Variants in CAPN13 observed in about 807,000 individuals in gnomAD.
The protein encoded by CAPN13 is calpain 13.
In CAPN13, 90 loss-of-function variants were observed where a neutral mutation model predicts 98.4. The observed-to-expected ratio is 0.92, with a 90% CI of 0.77 to 1.09. The LOEUF (loss-of-function observed/expected upper bound fraction) is 1.09. Ranked by LOEUF, CAPN13 falls within the 50% of genes least tolerant of loss-of-function variation. The pLI is 0.00. For missense variants in CAPN13, 887 were observed against 841.3 expected, an observed-to-expected ratio of 1.05 and a Z score of -0.67; for synonymous variants, 330 against 305.5, an observed-to-expected ratio of 1.08 and a Z score of -0.84.
chr2:30,743,472 G>T lies in CAPN13; in HGVS notation c.1356C>A (p.Ser452Arg), dbSNP rs1420893449. The T allele has an allele frequency of 1.2e-6, 2 of 1,613,738 alleles. No individual in the cohort carries two copies. Among genetic ancestry groups the T allele is most frequent in the East Asian group, 4.5e-5 (2 of 44,894 alleles). The change falls in exon 13 of 23, where the codon AGC (serine) becomes AGA (arginine). Residue 452 changes from serine (S) to arginine (R), a missense_variant. Ser to Arg is a moderately radical substitution (Grantham distance 110). Coordinates refer to ENST00000295055, the MANE Select transcript of CAPN13 (RefSeq NM_144575.3). The part of the protein sequence containing the change: ...RRNFTMTYHL[S>R]PGNYVVVAQT... ...GTGCAACCACAACATAGTTCCCAGG[G>T]CTCAGATGGTAAGTCATGGTGAAGT...
intron 15 of CAPN13, among the ~76,000 whole-genome samples, chr2:30,740,082 G>GTTTTTTTTTTGTTT (rs1671574352): frequency 1.6e-5 from 2 of 121,406 alleles, no homozygotes; most frequent in Non-Finnish European, 3.5e-5. Context: ...ATTGTATTAG[G>GTTTTTTTTTTGTTT]TTTTTTTTTT....
At chr2:30,787,059 G>C (rs567608514) in intron 2 of CAPN13, 69 bp downstream of exon 2, 8 of 1,276,094 alleles carry the variant, frequency 6.3e-6, no homozygotes, top group African/African-American at 4.5e-5. Context: ...CCTCCTTTTG[G>C]CTGGAGGTGC....
At chr2:30,788,379 G>A (rs913709766) in intron 1 of CAPN13, among the ~76,000 whole-genome samples, 15 of 152,186 alleles carry the variant, frequency 9.9e-5, no homozygotes, top group African/African-American at 3.6e-4. Context: ...GAAGGCTGAG[G>A]TTTCTTGTTC....
In CAPN13 at chr2:30,745,730, C is replaced by T; in HGVS notation, c.1241G>A (p.Gly414Asp). 1 of 1,596,156 alleles carries T rather than the reference C, an allele frequency of 6.3e-7. No individual in the cohort carries two copies. The highest frequency in any genetic ancestry group is 8.5e-7 in the Non-Finnish European group (1 of 1,178,730). Reference protein sequence around the residue: ...FPLDFQVILAGSQRFREKFPP... With the variant: ...FPLDFQVILADSQRFREKFPP... ...GACGACGCTGAGCCATACCTGTGAG[C>T]CAGCCTGTTGGAAACAGGGAGAAAG... Residue 414 changes from glycine (G) to aspartate (D), a missense_variant, in exon 12 of 23, where the codon GGC becomes GAC. Physicochemically the swap from Gly to Asp is moderately conservative, Grantham distance 94. Coordinates refer to ENST00000295055, the MANE Select transcript of CAPN13 (RefSeq NM_144575.3).
chr2:30,747,107 T>G (rs991943349), intron 11 of CAPN13, among the ~76,000 whole-genome samples: 5 of 152,216 alleles, frequency 3.3e-5, no homozygotes, highest in Middle Eastern at 3.2e-3. Flanking sequence ...TGCCTATGAA[T>G]GGGGAGATAC....
At chr2:30,724,055 A>G (rs72613851) in intron 22 of CAPN13, among the ~76,000 whole-genome samples, 5,930 of 152,224 alleles carry the variant, frequency 0.039, 204 homozygotes, top group East Asian at 0.14. Flanking sequence ...TTAAATGCCT[A>G]TTGACTTCTT....
chr2:30,753,297 G>A (rs1304778402), intron 9 of CAPN13, 99 bp from the exon 10 acceptor site: 4 of 1,236,514 alleles, frequency 3.2e-6, no homozygotes, highest in Non-Finnish European at 4.6e-6. Flanking sequence ...CTGCCCAGAG[G>A]CCAGTGTCTG....
At chr2:30,792,918 T>C (rs534550870) in intron 1 of CAPN13, among the ~76,000 whole-genome samples, 44 of 152,084 alleles carry the variant, frequency 2.9e-4, no homozygotes, top group African/African-American at 1.0e-3. Context: ...TTTATATTTT[T>C]AAAAATCCAC....
chr2:30,762,132 C>T (rs549232820), intron 7 of CAPN13, among the ~76,000 whole-genome samples: 11 of 152,312 alleles, frequency 7.2e-5, no homozygotes, highest in Admixed American at 2.0e-4. Flanking sequence ...TAGACGGACA[C>T]TAAAGAGACA....
Position 30,738,292 on chromosome 2 carries a change from TC to T in CAPN13, c.1595del (p.Gly532AspfsTer9). 1 of 1,613,244 alleles carries T rather than the reference TC, an allele frequency of 6.2e-7. No homozygotes were observed. The highest frequency in any genetic ancestry group is 8.5e-7 in the Non-Finnish European group (1 of 1,179,752). ...CTAAGGAGAACATGTCCCCTGGAGGTCCTGAGGAGAGAAGGACAGGAAGGAC... is the reference window on the plus strand; with the variant it reads ...CTAAGGAGAACATGTCCCCTGGAGGTCTGAGGAGAGAAGGACAGGAAGGAC... Reference protein sequence around the residue: ...QGLLNQELLTGPPGDMFSLDE... With the variant: ...QGLLNQELLTXPPGDMFSLDE... On this transcript the variant is annotated frameshift_variant and splice_region_variant, in exon 17 of 23. Coordinates refer to ENST00000295055, the MANE Select transcript of CAPN13 (RefSeq NM_144575.3). LOFTEE classifies it high-confidence loss of function.
At chr2:30,799,185 G>A (rs1319634735) in intron 1 of CAPN13, among the ~76,000 whole-genome samples, 1 of 152,044 alleles carries the variant, frequency 6.6e-6, no homozygotes, top group Non-Finnish European at 1.5e-5. Context: ...GAAGGAGGAG[G>A]AAGAGAGAGT....
At chr2:30,789,335 A>G (rs1330838137) in intron 1 of CAPN13, among the ~76,000 whole-genome samples, 2 of 152,334 alleles carry the variant, frequency 1.3e-5, no homozygotes, top group East Asian at 1.9e-4. Context: ...CCTACCTCTC[A>G]GGAAAATATT....
At chr2:30,767,580 G>C (rs1416257784) in intron 5 of CAPN13, among the ~76,000 whole-genome samples, 1 of 152,200 alleles carries the variant, frequency 6.6e-6, no homozygotes, top group Non-Finnish European at 1.5e-5. Context: ...GATAATGGCA[G>C]TGTTTTCGTA....
intron 8 of CAPN13, among the ~76,000 whole-genome samples, chr2:30,755,097 AAT>A (rs937504132): frequency 5.9e-5 from 9 of 151,826 alleles, no homozygotes; most frequent in East Asian, 5.8e-4. Context: ...ACTCTCCAGC[AAT>A]AGTGTCTTCA....
intron 1 of CAPN13, among the ~76,000 whole-genome samples, chr2:30,799,163 GA>G (rs1179041914): frequency 1.3e-5 from 2 of 152,062 alleles, no homozygotes; most frequent in African/African-American, 4.8e-5. Flanking sequence ...GGAAGACAGA[GA>G]GGGGGAAAAG....
chr2:30,794,210 GA>G lies in CAPN13; in HGVS notation c.-32-6854del, dbSNP rs559758957. On this transcript the variant is annotated intron_variant, in intron 1 of 22. Transcript: ENST00000295055. ...AAGAACTCTTACAAATCAATAATCA[GA>G]AAAAAAACCCACTAAAATGGCCAAA... Among the ~76,000 whole-genome samples, 183 of 150,876 alleles carry G rather than the reference GA, an allele frequency of 1.2e-3. 1 individual carries two copies. Among genetic ancestry groups the G allele is most frequent in the African/African-American group, 4.3e-3 (177 of 41,208 alleles).
chr2:30,726,726 T>C (rs2681683), intron 22 of CAPN13, among the ~76,000 whole-genome samples: 73,022 of 151,856 alleles, frequency 0.48, 18,244 homozygotes, highest in East Asian at 0.65. Flanking sequence ...AAAGAAGATA[T>C]AGAAAAATGA....
chr2:30,804,113 A>G (rs193032878), intron 1 of CAPN13, among the ~76,000 whole-genome samples: 10 of 152,242 alleles, frequency 6.6e-5, no homozygotes, highest in Admixed American at 2.0e-4. Context: ...GACTGAGCCC[A>G]TGAACACAGG....
intron 4 of CAPN13, among the ~76,000 whole-genome samples, chr2:30,772,206 C>T (rs1312767243): frequency 2.0e-5 from 3 of 152,198 alleles, no homozygotes; most frequent in African/African-American, 7.2e-5. Context: ...CTGGTTCATG[C>T]CTCTGGGTGG....
Sources: allele counts gnomAD v4.1 joint callset (sites outside exome capture counted in the v4.1 genomes callset), GRCh38; gene constraint gnomAD v4.1.1; transcripts MANE v1.5; gene names NCBI Gene and HGNC (gene_info 2026-07-23, HGNC 2026-07-21).